Variants in KCNK10 observed in about 807,000 individuals in gnomAD.
KCNK10 encodes the protein potassium channel subfamily K member 10.
KCNK10 carries 25 observed loss-of-function variants against 47.7 expected under a neutral mutation model. That is an observed-to-expected ratio of 0.52 (90% CI 0.38 to 0.73). The LOEUF is 0.73. Ranked by LOEUF, KCNK10 falls within the 30% of genes least tolerant of loss-of-function variation. KCNK10 has a pLI of 0.00. For synonymous variants in KCNK10, 303 were observed against 285.6 expected (o/e 1.06, Z -0.61); for missense variants, 563 against 714.5 (o/e 0.79, Z 2.42).
chr14:88,317,493 C>T (rs952870426), intron 1 of KCNK10, among the ~76,000 whole-genome samples: 1 of 152,186 alleles, frequency 6.6e-6, no homozygotes, highest in Non-Finnish European at 1.5e-5. Context: ...AGACTGCTTC[C>T]TCTAAATCTC....
Position 88,310,229 on chromosome 14 carries a change from G to GGTATATC in KCNK10, c.52+12517_52+12518insGATATAC, listed in dbSNP as rs1566721518. The stretch of plus-strand genomic sequence containing the variant: ...TGATATACCATATCATATGGTATAT[G>GGTATATC]ATATACCATATAAATGATATGCATT... On this transcript the variant is annotated intron_variant, in intron 1 of 6. Coordinates refer to ENST00000319231, the MANE Select transcript of KCNK10 (RefSeq NM_138317.3). 2.1e-3 allele frequency among the ~76,000 whole-genome samples: 77 copies of GGTATATC among 36,770 alleles called. 3 individuals carry two copies. Among genetic ancestry groups the GGTATATC allele is most frequent in the East Asian group, 2.5e-3 (3 of 1,210 alleles). 24.1% of individuals were successfully genotyped at this position (36,770 alleles called of 152,430 possible).
chr14:88,317,956 T>C (rs934774345), intron 1 of KCNK10, among the ~76,000 whole-genome samples: 4 of 152,222 alleles, frequency 2.6e-5, no homozygotes, highest in African/African-American at 9.6e-5. Context: ...ATAGCTAATA[T>C]GAGCCAAATT....
intron 1 of KCNK10, among the ~76,000 whole-genome samples, chr14:88,311,348 T>C (rs1888324807): frequency 6.6e-6 from 1 of 152,046 alleles, no homozygotes; most frequent in African/African-American, 2.4e-5. Flanking sequence ...AAAAAAGAGT[T>C]CCTTAGTAAG....
chr14:88,244,695 T>A (rs772687097), intron 2 of KCNK10, among the ~76,000 whole-genome samples: 22 of 151,954 alleles, frequency 1.4e-4, no homozygotes, highest in Non-Finnish European at 2.6e-4. Context: ...ATTACCTGCA[T>A]TCAGGCTGCA....
intron 1 of KCNK10, among the ~76,000 whole-genome samples, chr14:88,287,616 T>C (rs759230059): frequency 2.6e-5 from 4 of 152,086 alleles, no homozygotes; most frequent in Non-Finnish European, 4.4e-5. Flanking sequence ...TCCAATTCCA[T>C]CCAGGTTGCT....
intron 3 of KCNK10, among the ~76,000 whole-genome samples, chr14:88,238,974 T>C (rs1886374024): frequency 6.6e-6 from 1 of 152,086 alleles, no homozygotes; most frequent in Non-Finnish European, 1.5e-5. Flanking sequence ...ATTGATTAGG[T>C]TCACCATCTT....
At chr14:88,226,558 G>A (rs532842702) in intron 4 of KCNK10, among the ~76,000 whole-genome samples, 13 of 152,310 alleles carry the variant, frequency 8.5e-5, no homozygotes, top group African/African-American at 3.1e-4. Flanking sequence ...GGTCAGCGGT[G>A]AGTAAGAGGG....
At chr14:88,248,688 T>A (rs1326982006) in intron 2 of KCNK10, among the ~76,000 whole-genome samples, 2 of 151,812 alleles carry the variant, frequency 1.3e-5, no homozygotes, top group African/African-American at 4.8e-5. Flanking sequence ...ATGATCGTGC[T>A]ACTTTACTCC....
intron 1 of KCNK10, among the ~76,000 whole-genome samples, chr14:88,316,570 T>C (rs4899948): frequency 0.42 from 63,308 of 152,010 alleles, 14,474 homozygotes; most frequent in African/African-American, 0.62. Context: ...CCTAGTGCCA[T>C]GGTTAGGTAG....
chr14:88,250,295 C>G (rs183974882), intron 2 of KCNK10, among the ~76,000 whole-genome samples: 1 of 152,286 alleles, frequency 6.6e-6, no homozygotes, highest in East Asian at 1.9e-4. Context: ...CCTGTAGACA[C>G]AGGCTGGGGG....
At chr14:88,255,915 T>G (rs1270733503) in intron 2 of KCNK10, among the ~76,000 whole-genome samples, 4 of 152,142 alleles carry the variant, frequency 2.6e-5, no homozygotes, top group Admixed American at 2.6e-4. Flanking sequence ...AAGAGTTAAA[T>G]GAGCTAGAGG....
chr14:88,272,769 G>C (rs577953888), intron 1 of KCNK10, among the ~76,000 whole-genome samples: 7 of 152,094 alleles, frequency 4.6e-5, no homozygotes, highest in Non-Finnish European at 8.8e-5. Flanking sequence ...GATCGTCTGT[G>C]GGGGGTGTGG....
intron 4 of KCNK10, among the ~76,000 whole-genome samples, chr14:88,197,746 A>G (rs1884964424): frequency 6.6e-6 from 1 of 151,998 alleles, no homozygotes; most frequent in Middle Eastern, 3.4e-3. Context: ...CATTCTGCAC[A>G]TAATTATTTA....
At chr14:88,317,541 A>G (rs1468662214) in intron 1 of KCNK10, among the ~76,000 whole-genome samples, 4 of 152,244 alleles carry the variant, frequency 2.6e-5, no homozygotes, top group African/African-American at 9.6e-5. Flanking sequence ...GGTAACAAAG[A>G]GCAGGAGAGT....
At chr14:88,205,858 A>T (rs1885257886) in intron 4 of KCNK10, among the ~76,000 whole-genome samples, 1 of 152,150 alleles carries the variant, frequency 6.6e-6, no homozygotes, top group African/African-American at 2.4e-5. Flanking sequence ...GCATTTTTCT[A>T]CAGCTGCCTC....
At chr14:88,285,275 C>T (rs1742135) in intron 1 of KCNK10, among the ~76,000 whole-genome samples, 9,816 of 152,180 alleles carry the variant, frequency 0.065, 412 homozygotes, top group Non-Finnish European at 0.087. Context: ...CCATGCCTGG[C>T]TAATTTCTGT....
At chr14:88,189,507 C>A (rs1343069131) in intron 5 of KCNK10, among the ~76,000 whole-genome samples, 1 of 152,082 alleles carries the variant, frequency 6.6e-6, no homozygotes, top group Admixed American at 6.5e-5. Context: ...GTCACTATTA[C>A]CCAGCAAAGA....
At chr14:88,303,566 G>A (rs1888149016) in intron 1 of KCNK10, among the ~76,000 whole-genome samples, 1 of 152,050 alleles carries the variant, frequency 6.6e-6, no homozygotes, top group Non-Finnish European at 1.5e-5. Flanking sequence ...GTATACGCTA[G>A]TAGGAATATT....
At chr14:88,325,285 A>G (rs1018711395), upstream of KCNK10, among the ~76,000 whole-genome samples, 4 of 152,182 alleles carry the variant, frequency 2.6e-5, no homozygotes, top group African/African-American at 7.2e-5. Flanking sequence ...TCACTGCAAT[A>G]CAATGTTTTT....
Sources: gnomAD v4.1 joint callset for allele counts (sites outside exome capture counted in the v4.1 genomes callset) on GRCh38, gnomAD v4.1.1 for gene constraint, MANE v1.5 for transcripts, NCBI Gene and HGNC (gene_info 2026-07-23, HGNC 2026-07-21) for gene names.